Variants in RYR2 observed in about 807,000 individuals in gnomAD.
RYR2 encodes the protein cardiac muscle ryanodine receptor-calcium release channel.
In RYR2, 227 loss-of-function variants were observed where a neutral mutation model predicts 601.1. The ratio of observed to expected loss-of-function variants is 0.38; its 90% CI spans 0.34 to 0.42. The LOEUF (loss-of-function observed/expected upper bound fraction) is 0.42, where lower values mean the gene tolerates loss of function less well. Among genes scored for constraint, RYR2 ranks in the 10% least tolerant of loss-of-function variants. The pLI is 1.00. For synonymous variants in RYR2, 2,223 were observed against 2,175.1 expected (o/e 1.02, Z -0.61); for missense variants, 4,646 against 6,156.5 (o/e 0.75, Z 8.21).
At chr1:237,155,946 T>A (rs1338733874) in intron 1 of RYR2, among the ~76,000 whole-genome samples, 2 of 152,234 alleles carry the variant, frequency 1.3e-5, no homozygotes, top group Non-Finnish European at 1.5e-5. Context: ...AAGTATTTTT[T>A]ATAGCCCTAA....
chr1:237,194,275 G>GA (rs1680315481), intron 1 of RYR2, among the ~76,000 whole-genome samples: 1 of 152,184 alleles, frequency 6.6e-6, no homozygotes, highest in Non-Finnish European at 1.5e-5. Flanking sequence ...ATCTAGAGAA[G>GA]AAAAGAGATT....
At chr1:237,043,025 A>G (rs1020150144) in intron 1 of RYR2, among the ~76,000 whole-genome samples, 48 of 151,926 alleles carry the variant, frequency 3.2e-4, no homozygotes, top group African/African-American at 9.9e-4. Flanking sequence ...CGCCGCCGGG[A>G]GGTTTCTTGG....
chr1:237,212,088 T>C (rs77653117), intron 1 of RYR2, among the ~76,000 whole-genome samples: 1 of 146,300 alleles, frequency 6.8e-6, no homozygotes, highest in South Asian at 2.2e-4. Flanking sequence ...CTTTTTTTTT[T>C]TGCTGCATAT....
intron 17 of RYR2, among the ~76,000 whole-genome samples, chr1:237,474,012 GA>G (rs1661081703): frequency 6.6e-6 from 1 of 151,892 alleles, no homozygotes; most frequent in South Asian, 2.1e-4. Flanking sequence ...AAAAAAAGCT[GA>G]TGAATATGGA....
chr1:237,540,498 G>A (rs1669140491), intron 25 of RYR2, among the ~76,000 whole-genome samples: 1 of 152,068 alleles, frequency 6.6e-6, no homozygotes, highest in South Asian at 2.1e-4. Flanking sequence ...CCTGAGGTCA[G>A]GGGTTCGAGA....
intron 1 of RYR2, among the ~76,000 whole-genome samples, chr1:237,157,629 C>T (rs1160731017): frequency 6.6e-6 from 1 of 152,038 alleles, no homozygotes; most frequent in Non-Finnish European, 1.5e-5. Flanking sequence ...TGAAAGAAGC[C>T]AGGCAGAGAA....
At chr1:237,522,284 A>G (rs1357681151) in intron 24 of RYR2, among the ~76,000 whole-genome samples, 1 of 152,180 alleles carries the variant, frequency 6.6e-6, no homozygotes, top group African/African-American at 2.4e-5. Flanking sequence ...AATACTAACA[A>G]TAGCTGATGA....
chr1:237,617,145 A>G (rs530632579), intron 37 of RYR2, 141 bp from the exon 38 acceptor site: 8 of 778,420 alleles, frequency 1.0e-5, no homozygotes, highest in South Asian at 8.2e-5. Context: ...GACCGAGCAC[A>G]TTGCTGCCTA....
At chr1:237,297,224 G>A (rs1692875620) in intron 2 of RYR2, among the ~76,000 whole-genome samples, 1 of 152,104 alleles carries the variant, frequency 6.6e-6, no homozygotes, top group South Asian at 2.1e-4. Flanking sequence ...AGAATGCGAG[G>A]GCAAAGATTG....
At chr1:237,606,986 C>T (rs1677198662) in intron 35 of RYR2, among the ~76,000 whole-genome samples, 1 of 152,214 alleles carries the variant, frequency 6.6e-6, no homozygotes, top group African/African-American at 2.4e-5. Flanking sequence ...GGACTGTAAA[C>T]TAGTTCAACC....
intron 89 of RYR2, among the ~76,000 whole-genome samples, chr1:237,783,102 G>C (rs1025174043): frequency 3.3e-4 from 50 of 152,296 alleles, no homozygotes; most frequent in African/African-American, 1.2e-3. Flanking sequence ...GTAGAAAGGT[G>C]CTTTTCATTA....
chr1:237,456,513 T>C (rs1239331540), intron 15 of RYR2, 87 bp from the exon 16 acceptor site: 1 of 1,364,308 alleles, frequency 7.3e-7, no homozygotes, highest in Admixed American at 2.7e-5. Flanking sequence ...GACTTCTATT[T>C]TTAAATCAAC....
At chr1:237,064,713 GT>G (rs1188129956) in intron 1 of RYR2, among the ~76,000 whole-genome samples, 1 of 7,538 alleles carries the variant, frequency 1.3e-4, no homozygotes, top group African/African-American at 2.5e-4. Context: ...AATACCTGCA[GT>G]TTTTTGTTTT....
At chr1:237,317,528 A>C (rs1461569795) in intron 2 of RYR2, among the ~76,000 whole-genome samples, 3 of 152,130 alleles carry the variant, frequency 2.0e-5, no homozygotes, top group East Asian at 3.9e-4. Context: ...TTATGTATTG[A>C]TCTATATGTT....
chr1:237,715,822 A>G (rs1573643638), intron 71 of RYR2, among the ~76,000 whole-genome samples: 1 of 152,084 alleles, frequency 6.6e-6, no homozygotes, highest in African/African-American at 2.4e-5. Context: ...AATTTGCTTA[A>G]TTTTTAGGAT....
intron 1 of RYR2, among the ~76,000 whole-genome samples, chr1:237,114,915 A>G (rs902608321): frequency 5.9e-5 from 9 of 152,212 alleles, no homozygotes; most frequent in African/African-American, 2.2e-4. Flanking sequence ...GCAGAATGTG[A>G]TGACTGAACA....
At chr1:237,142,624 C>A (rs1673509410) in intron 1 of RYR2, among the ~76,000 whole-genome samples, 1 of 152,146 alleles carries the variant, frequency 6.6e-6, no homozygotes, top group Non-Finnish European at 1.5e-5. Flanking sequence ...ATTGGTGGGG[C>A]AGTTGGGAAG....
At chr1:237,101,949 C>T (rs561645114) in intron 1 of RYR2, among the ~76,000 whole-genome samples, 4 of 152,234 alleles carry the variant, frequency 2.6e-5, no homozygotes, top group South Asian at 2.1e-4. Context: ...ATTCGTAAAA[C>T]GTGAGTTAAT....
chr1:237,795,186 T>C, intron 95 of RYR2, 103 bp from the exon 96 acceptor site: 1 of 566,724 alleles, frequency 1.8e-6, no homozygotes, highest in Non-Finnish European at 3.1e-6. Context: ...TGGCAGGATA[T>C]ATGTTTACAT....
Sources: gnomAD v4.1 joint callset for allele counts (sites outside exome capture counted in the v4.1 genomes callset) on GRCh38, gnomAD v4.1.1 for gene constraint, MANE v1.5 for transcripts, NCBI Gene and HGNC (gene_info 2026-07-23, HGNC 2026-07-21) for gene names.